The following ERC1 variants were observed in gnomAD, a reference collection of about 807,000 sequenced individuals.
ERC1 encodes ELKS/RAB6-interacting/CAST family member 1.
ERC1 carries 56 observed loss-of-function variants against 132.0 expected under a neutral mutation model. The observed-to-expected ratio is 0.42, with a 90% CI of 0.34 to 0.53. The LOEUF (loss-of-function observed/expected upper bound fraction) is 0.53. Among genes scored for constraint, ERC1 ranks in the 20% least tolerant of loss-of-function variants. The probability of loss-of-function intolerance (pLI) is 0.03; values close to 1 mark genes in which losing one functional copy is unlikely to be tolerated. For synonymous variants in ERC1, 478 were observed against 476.1 expected, an observed-to-expected ratio of 1.00 and a Z score of -0.05; for missense variants, 1,202 against 1,349.9, an observed-to-expected ratio of 0.89 and a Z score of 1.72.
Position 1,028,158 on chromosome 12 carries a change from T to C in ERC1, c.255T>C (p.Pro85=), listed in dbSNP as rs1303268405. Residue 85 remains proline, a synonymous_variant, in exon 2 of 19, where the codon CCT becomes CCC. Coordinates refer to ENST00000360905, the MANE Select transcript of ERC1 (RefSeq NM_178040.4). ...ATGAAAATGTGGGTTCAGAAACACC[T>C]AAAAGCACCATGACACTTGGCCGTT... ...SDHENVGSET[P]KSTMTLGRSG... 6.2e-7 allele frequency: 1 copy of C among 1,614,166 alleles called. No individual in the cohort carries two copies. Among genetic ancestry groups the C allele is most frequent in the Non-Finnish European group, 8.5e-7 (1 of 1,180,022 alleles).
intron 12 of ERC1, among the ~76,000 whole-genome samples, chr12:1,197,447 G>A (rs1956440984): frequency 6.6e-6 from 1 of 151,166 alleles, no homozygotes; most frequent in African/African-American, 2.4e-5. Context: ...AGAAGAGGAG[G>A]CTGTAGACAG....
chr12:1,083,633 T>G, intron 3 of ERC1, 53 bp downstream of exon 3: 2 of 1,386,536 alleles, frequency 1.4e-6, no homozygotes, highest in East Asian at 4.6e-5. Flanking sequence ...TTTTTTTCAC[T>G]GATTAATCAG....
At chr12:1,026,316 C>G (rs1283120757) in intron 1 of ERC1, among the ~76,000 whole-genome samples, 1 of 152,210 alleles carries the variant, frequency 6.6e-6, no homozygotes, top group Non-Finnish European at 1.5e-5. Flanking sequence ...TTAAGTACAC[C>G]TGGCCCCACC....
At chr12:1,116,996 A>G (rs1429864151) in intron 7 of ERC1, among the ~76,000 whole-genome samples, 1 of 152,232 alleles carries the variant, frequency 6.6e-6, no homozygotes, top group Non-Finnish European at 1.5e-5. Context: ...TATTTGCTAA[A>G]TAATCCCAGA....
chr12:1,200,679 C>G (rs1956827484), intron 12 of ERC1, among the ~76,000 whole-genome samples: 1 of 152,156 alleles, frequency 6.6e-6, no homozygotes, highest in Non-Finnish European at 1.5e-5. Flanking sequence ...CTGCCTCACC[C>G]TCCTGAGTAG....
At chr12:1,012,530 T>G (rs1964863714) in intron 1 of ERC1, among the ~76,000 whole-genome samples, 2 of 147,428 alleles carry the variant, frequency 1.4e-5, no homozygotes, top group Non-Finnish European at 3.0e-5. Context: ...TGGAGTGTTG[T>G]GGCGTGATCT....
At chr12:1,378,653 G>A (rs1281971371) in intron 16 of ERC1, among the ~76,000 whole-genome samples, 5 of 152,168 alleles carry the variant, frequency 3.3e-5, no homozygotes, top group Non-Finnish European at 4.4e-5. Flanking sequence ...GTATTGTAAT[G>A]GTCAGCCAGA....
chr12:1,111,627 C>CT (rs1404759290), intron 5 of ERC1, among the ~76,000 whole-genome samples: 129 of 137,424 alleles, frequency 9.4e-4, no homozygotes, highest in Non-Finnish European at 1.4e-3. Flanking sequence ...TTTTCTTTTT[C>CT]TTTTTTTTTG....
chr12:1,488,800 G>A (rs528990456), intron 18 of ERC1, among the ~76,000 whole-genome samples: 5 of 152,256 alleles, frequency 3.3e-5, no homozygotes, highest in Non-Finnish European at 4.4e-5. Context: ...TGATTCTCCA[G>A]TTCTCCCTCA....
intron 16 of ERC1, among the ~76,000 whole-genome samples, chr12:1,392,274 A>T (rs1376042968): frequency 2.6e-5 from 4 of 152,204 alleles, no homozygotes; most frequent in African/African-American, 9.6e-5. Flanking sequence ...ACATATTGAT[A>T]GTGGGAGATG....
intron 7 of ERC1, among the ~76,000 whole-genome samples, chr12:1,127,912 G>A (rs1300514344): frequency 6.6e-6 from 1 of 152,052 alleles, no homozygotes; most frequent in Non-Finnish European, 1.5e-5. Flanking sequence ...CAAGACCTCC[G>A]CATAAATCTA....
intron 8 of ERC1, among the ~76,000 whole-genome samples, chr12:1,164,007 G>A (rs1167372868): frequency 6.6e-6 from 1 of 152,196 alleles, no homozygotes; most frequent in African/African-American, 2.4e-5. Flanking sequence ...CAGCCACCAT[G>A]TCTGACCTAC....
intron 17 of ERC1, among the ~76,000 whole-genome samples, chr12:1,428,496 A>G (rs1281383877): frequency 6.6e-6 from 1 of 152,184 alleles, no homozygotes; most frequent in Non-Finnish European, 1.5e-5. Context: ...TGTGCCTTCT[A>G]GAATGTTATA....
At chr12:1,139,480 A>G (rs1402178647) in intron 7 of ERC1, among the ~76,000 whole-genome samples, 2 of 152,204 alleles carry the variant, frequency 1.3e-5, no homozygotes, top group African/African-American at 4.8e-5. Context: ...TAATTTGTAA[A>G]TTAAATGTTA....
At chr12:1,418,609 TTCTTTC>T (rs1307367812) in intron 17 of ERC1, among the ~76,000 whole-genome samples, 2 of 99,044 alleles carry the variant, frequency 2.0e-5, no homozygotes, top group African/African-American at 1.2e-4. Flanking sequence ...CTTTCTTTCT[TTCTTTC>T]TTTCTTTCTT....
intron 7 of ERC1, among the ~76,000 whole-genome samples, chr12:1,137,629 C>T (rs1949386524): frequency 6.6e-6 from 1 of 151,386 alleles, no homozygotes; most frequent in Admixed American, 6.6e-5. Context: ...GCAGGCAGAT[C>T]ACCTGAGGTC....
At chr12:1,485,155 C>A (rs1166518004) in intron 18 of ERC1, among the ~76,000 whole-genome samples, 5 of 150,542 alleles carry the variant, frequency 3.3e-5, no homozygotes, top group African/African-American at 1.2e-4. Context: ...TCCCAAAGTG[C>A]TGGGATTACA....
At chr12:1,331,703 G>A (rs564924274) in intron 15 of ERC1, among the ~76,000 whole-genome samples, 10 of 152,174 alleles carry the variant, frequency 6.6e-5, no homozygotes, top group Admixed American at 1.3e-4. Context: ...CTTCTATAAA[G>A]TGTTGTTAGT....
rs568935896 is a variant in ERC1, at chr12:1,440,005, T to A, written c.3025-4557T>A. 2.0e-5 allele frequency among the ~76,000 whole-genome samples: 3 copies of A among 152,290 alleles called. No homozygotes were observed. The East Asian group carries it at 5.8e-4, about 29-fold the overall frequency. ...AGATAGATTTGGGGACTATACTAGT[T>A]GGGCAGTTTCATATGCTTTCACAAT... On this transcript the variant is annotated intron_variant, in intron 17 of 18. Coordinates refer to ENST00000360905, the MANE Select transcript of ERC1 (RefSeq NM_178040.4).
Sources: allele counts gnomAD v4.1 joint callset (sites outside exome capture counted in the v4.1 genomes callset), GRCh38; gene constraint gnomAD v4.1.1; transcripts MANE v1.5; gene names NCBI Gene and HGNC (gene_info 2026-07-23, HGNC 2026-07-21).